TPRG1: variants seen among roughly 807,000 people sequenced by gnomAD.
TPRG1 encodes tumor protein p63 regulated 1.
In TPRG1, 29 loss-of-function variants were observed where a neutral mutation model predicts 29.3. The observed-to-expected ratio is 0.99, with a 90% CI of 0.74 to 1.35. TPRG1 has a LOEUF of 1.35. TPRG1 is among the 40% of genes most tolerant of loss of function. The pLI, the probability that TPRG1 is intolerant of heterozygous loss-of-function variation, is 0.00. For synonymous variants in TPRG1, 130 were observed against 116.8 expected (o/e 1.11, Z -0.73); for missense variants, 327 against 335.0 (o/e 0.98, Z 0.19).
Position 189,046,954 on chromosome 3 carries a change from G to A in TPRG1, c.-463+23008G>A, listed in dbSNP as rs1715018567. Among the ~76,000 whole-genome samples, 3 of 152,160 alleles carry A rather than the reference G, an allele frequency of 2.0e-5. No individual in the cohort carries two copies. In the South Asian group the frequency reaches 6.2e-4, roughly 32 times the overall value. ...AAAACGACAACAATGAGTTCTCACT[G>A]AACGCAGAGGGGAAGAGCAAGAACT... On this transcript the variant is annotated intron_variant, in intron 4 of 10. Transcript: ENST00000433971.
At chr3:189,057,033 C>G (rs1251888240) in intron 4 of TPRG1, among the ~76,000 whole-genome samples, 1 of 152,132 alleles carries the variant, frequency 6.6e-6, no homozygotes, top group Non-Finnish European at 1.5e-5. Flanking sequence ...TCTTGCTTCC[C>G]CTTGAAGCAT....
intron 3 of TPRG1, among the ~76,000 whole-genome samples, chr3:189,231,835 C>T (rs1346627322): frequency 6.6e-6 from 1 of 151,998 alleles, no homozygotes; most frequent in East Asian, 1.9e-4. Flanking sequence ...AATACCTGAT[C>T]CATAGAAGAC....
chr3:189,273,468 T>TACG (rs1341736829), intron 4 of TPRG1, among the ~76,000 whole-genome samples: 1 of 152,194 alleles, frequency 6.6e-6, no homozygotes, highest in Non-Finnish European at 1.5e-5. Context: ...TAACTGTGCT[T>TACG]AGAGTATGCG....
At chr3:189,112,068 T>C (rs972347877) in intron 1 of TPRG1, among the ~76,000 whole-genome samples, 2 of 152,206 alleles carry the variant, frequency 1.3e-5, no homozygotes, top group African/African-American at 4.8e-5. Context: ...ATTTGTTTTT[T>C]TCCTTTGTAT....
At chr3:189,143,984 TC>T (rs1220634160) in intron 3 of TPRG1, among the ~76,000 whole-genome samples, 1 of 152,188 alleles carries the variant, frequency 6.6e-6, no homozygotes, top group African/African-American at 2.4e-5. Context: ...CTGTGTAGCT[TC>T]CTACTTTAGG....
intron 4 of TPRG1, among the ~76,000 whole-genome samples, chr3:189,038,451 A>G (rs1714422998): frequency 6.6e-6 from 1 of 152,160 alleles, no homozygotes; most frequent in Non-Finnish European, 1.5e-5. Flanking sequence ...TGGCTTGTTA[A>G]ATGGAGAAAA....
At chr3:189,288,819 A>G (rs554917823) in intron 4 of TPRG1, among the ~76,000 whole-genome samples, 4 of 152,404 alleles carry the variant, frequency 2.6e-5, no homozygotes, top group South Asian at 2.1e-4. Flanking sequence ...TACTGCATCT[A>G]TCGCAAACCA....
At chr3:189,118,751 A>G (rs897463198) in intron 1 of TPRG1, among the ~76,000 whole-genome samples, 2 of 152,214 alleles carry the variant, frequency 1.3e-5, no homozygotes, top group African/African-American at 2.4e-5. Context: ...CTGTGGGTAC[A>G]CAGAAGTCAA....
intron 1 of TPRG1, among the ~76,000 whole-genome samples, chr3:189,115,673 G>A (rs1721080421): frequency 6.6e-6 from 1 of 152,190 alleles, no homozygotes; most frequent in African/African-American, 2.4e-5. Flanking sequence ...TACAATGAAT[G>A]AGACATGGTC....
intron 1 of TPRG1, among the ~76,000 whole-genome samples, chr3:189,118,862 AC>A (rs1321039809): frequency 6.6e-6 from 1 of 152,186 alleles, no homozygotes; most frequent in Non-Finnish European, 1.5e-5. Context: ...CTCATGGAGA[AC>A]CTCTGCTACA....
chr3:189,185,741 C>A (rs1298232157), intron 1 of TPRG1, among the ~76,000 whole-genome samples: 1 of 152,150 alleles, frequency 6.6e-6, no homozygotes, highest in African/African-American at 2.4e-5. Flanking sequence ...TATTCTACAT[C>A]TTTTAAACCT....
At chr3:189,086,740 G>A (rs1717970157) in intron 4 of TPRG1, among the ~76,000 whole-genome samples, 1 of 152,154 alleles carries the variant, frequency 6.6e-6, no homozygotes, top group African/African-American at 2.4e-5. Flanking sequence ...TGTTGGTCAG[G>A]CTGGTCGAAC....
intron 4 of TPRG1, among the ~76,000 whole-genome samples, chr3:189,303,902 T>C (rs192862921): frequency 5.3e-5 from 8 of 152,288 alleles, no homozygotes; most frequent in Non-Finnish European, 4.4e-5. Context: ...TTTTAAGGAC[T>C]TTCAGTTTGG....
Position 189,215,291 on chromosome 3 carries a change from G to GCC in TPRG1, c.211_212dup (p.Gly72ArgfsTer11). The GCC allele has an allele frequency of 1.2e-6, 2 of 1,611,394 alleles. No individual in the cohort carries two copies. Among genetic ancestry groups the GCC allele is most frequent in the Non-Finnish European group, 1.7e-6 (2 of 1,178,924 alleles). On this transcript the variant is annotated frameshift_variant and splice_region_variant. Coordinates refer to ENST00000345063, the MANE Select transcript of TPRG1 (RefSeq NM_198485.4). LOFTEE classifies it high-confidence loss of function. Reference sequence around the variant, plus strand: ...CTAGGTATTTTCTCCTTTCCACACAGCCGGGGGCCATTGAGACTGCCATGG... The same window carrying GCC: ...CTAGGTATTTTCTCCTTTCCACACAGCCCCGGGGGCCATTGAGACTGCCATGG...
At chr3:189,201,600 C>T (rs1733497604) in intron 1 of TPRG1, among the ~76,000 whole-genome samples, 1 of 152,080 alleles carries the variant, frequency 6.6e-6, no homozygotes, top group Non-Finnish European at 1.5e-5. Context: ...AATGCCAATA[C>T]TGTTTTCTAA....
intron 3 of TPRG1, among the ~76,000 whole-genome samples, chr3:189,141,558 G>T (rs186468335): frequency 1.3e-5 from 2 of 152,086 alleles, no homozygotes; most frequent in Non-Finnish European, 2.9e-5. Context: ...TCAAAATCCA[G>T]GGATGGGGAT....
In TPRG1 at chr3:189,239,211, G is replaced by A. The variant is rs192975725; in HGVS notation, c.479+302G>A. Among the ~76,000 whole-genome samples, 966 of 152,198 alleles carry A rather than the reference G, an allele frequency of 6.3e-3. 10 individuals are homozygous for A. Among genetic ancestry groups the A allele is most frequent in the Non-Finnish European group, 0.012 (794 of 67,992 alleles). The stretch of plus-strand genomic sequence containing the variant: ...GCTGGGGAGGCCTCAGAATTATGGC[G>A]GGAGGGGAAAGTCTCTTCTTATATG... On this transcript the variant is annotated intron_variant, in intron 4 of 5. Transcript: ENST00000345063.
intron 4 of TPRG1, among the ~76,000 whole-genome samples, chr3:189,093,872 C>T (rs759053181): frequency 7.2e-5 from 11 of 152,104 alleles, no homozygotes; most frequent in Non-Finnish European, 1.6e-4. Flanking sequence ...CCTCTACGGG[C>T]CTTTCTACTT....
upstream of TPRG1, among the ~76,000 whole-genome samples, chr3:189,097,518 G>T (rs1453604638): frequency 6.6e-6 from 1 of 152,154 alleles, no homozygotes; most frequent in Non-Finnish European, 1.5e-5. Context: ...AACAGCAGAA[G>T]CCCTTCGTGC....
Sources: allele counts gnomAD v4.1 joint callset (sites outside exome capture counted in the v4.1 genomes callset), GRCh38; gene constraint gnomAD v4.1.1; transcripts MANE v1.5; gene names NCBI Gene and HGNC (gene_info 2026-07-23, HGNC 2026-07-21).